AKAP6: variants seen among roughly 807,000 people sequenced by gnomAD.
The protein encoded by AKAP6 is A-kinase anchor protein 6.
Under a neutral mutation model 188.5 loss-of-function variants are expected in AKAP6, and 58 were observed. That is an observed-to-expected ratio of 0.31 (90% CI 0.25 to 0.38). The LOEUF (loss-of-function observed/expected upper bound fraction) is 0.38, where lower values mean the gene tolerates loss of function less well. Among genes scored for constraint, AKAP6 ranks in the 10% least tolerant of loss-of-function variants. The pLI, the probability that AKAP6 is intolerant of heterozygous loss-of-function variation, is 1.00. For synonymous variants in AKAP6, 989 were observed against 998.6 expected (o/e 0.99, Z 0.18); for missense variants, 2,710 against 2,740.0 (o/e 0.99, Z 0.24).
intron 1 of AKAP6, among the ~76,000 whole-genome samples, chr14:32,338,098 C>T (rs977387500): frequency 6.6e-6 from 1 of 151,646 alleles, no homozygotes; most frequent in East Asian, 1.9e-4. Flanking sequence ...GAGAGTTTTT[C>T]CTTTTGTTTT....
chr14:32,802,950 T>C (rs1032325674), intron 12 of AKAP6, among the ~76,000 whole-genome samples: 4 of 148,758 alleles, frequency 2.7e-5, no homozygotes, highest in Middle Eastern at 3.9e-3. Context: ...ATATAAAAAT[T>C]AGCCAGGCGT....
Position 32,546,634 on chromosome 14 carries a change from G to A in AKAP6, c.1981G>A (p.Glu661Lys), listed in dbSNP as rs1446359855. The A allele has an allele frequency of 6.2e-7, 1 of 1,614,124 alleles. No homozygotes were observed. Among genetic ancestry groups the A allele is most frequent in the African/African-American group, 1.3e-5 (1 of 75,016 alleles). Residue 661 changes from glutamate to lysine, a missense_variant, in exon 4 of 14, where the codon GAA (glutamate) becomes AAA (lysine). Glu to Lys is a moderately conservative substitution (Grantham distance 56, BLOSUM62 1). Transcript: ENST00000280979. Reference protein sequence around the residue: ...TKLLPQKPRGETIQNIDDWEL... With the variant: ...TKLLPQKPRGKTIQNIDDWEL... ...GCTTCTGCCTCAGAAACCCAGAGGA[G>A]AAACCATCCAGAATATTGATGACTG...
chr14:32,462,916 A>AAAAAAAAAAAAAAAC (rs1891389540), intron 2 of AKAP6, among the ~76,000 whole-genome samples: 30 of 93,732 alleles, frequency 3.2e-4, no homozygotes, highest in African/African-American at 1.1e-3. Context: ...AAAAAAAAAA[A>AAAAAAAAAAAAAAAC]AAAAAAAAAA....
chr14:32,594,576 G>A (rs746316272), intron 5 of AKAP6, among the ~76,000 whole-genome samples: 1 of 152,168 alleles, frequency 6.6e-6, no homozygotes, highest in Non-Finnish European at 1.5e-5. Context: ...TTGTGGAGAG[G>A]AGAAGAGAAA....
intron 1 of AKAP6, among the ~76,000 whole-genome samples, chr14:32,432,713 TC>T (rs1406887830): frequency 6.6e-6 from 1 of 152,208 alleles, no homozygotes; most frequent in African/African-American, 2.4e-5. Context: ...CACGTAGCTG[TC>T]CCACGTATTG....
chr14:32,656,973 C>A (rs1888479417), intron 7 of AKAP6, among the ~76,000 whole-genome samples: 2 of 152,166 alleles, frequency 1.3e-5, no homozygotes, highest in Non-Finnish European at 2.9e-5. Flanking sequence ...ATATGGCAAT[C>A]CAATATATGG....
rs189952618 is a variant in AKAP6, at chr14:32,541,483, T to A, written c.577-3747T>A. Among the ~76,000 whole-genome samples, 264 of 152,236 alleles carry A rather than the reference T, an allele frequency of 1.7e-3. 2 individuals are homozygous for A. Among genetic ancestry groups the A allele is most frequent in the Middle Eastern group, 6.8e-3 (2 of 292 alleles). On this transcript the variant is annotated intron_variant, in intron 3 of 13. Coordinates refer to ENST00000280979, the MANE Select transcript of AKAP6 (RefSeq NM_004274.5). ...GCAAGACTATCATGTTCCCTGCTTG[T>A]CCAAAGGCAGGTGGCTGACACTTCA...
intron 1 of AKAP6, among the ~76,000 whole-genome samples, chr14:32,402,817 C>T (rs1489143143): frequency 2.0e-5 from 3 of 151,842 alleles, no homozygotes. Flanking sequence ...GCAACCTCTG[C>T]TTCATGGGCT....
At chr14:32,574,477 T>G (rs1884635539) in intron 4 of AKAP6, among the ~76,000 whole-genome samples, 1 of 152,180 alleles carries the variant, frequency 6.6e-6, no homozygotes. Context: ...ACACATTGTT[T>G]AGTGCTTTTT....
intron 8 of AKAP6, among the ~76,000 whole-genome samples, chr14:32,689,467 G>A (rs921046397): frequency 1.3e-5 from 2 of 152,108 alleles, no homozygotes; most frequent in African/African-American, 4.8e-5. Flanking sequence ...AAAAACTGAG[G>A]AAATTACTGC....
chr14:32,681,185 A>G (rs1388548099), intron 8 of AKAP6, among the ~76,000 whole-genome samples: 1 of 152,230 alleles, frequency 6.6e-6, no homozygotes, highest in Non-Finnish European at 1.5e-5. Flanking sequence ...TATATTTTGT[A>G]AAGTATAACC....
rs1293959722 is a variant in AKAP6, at chr14:32,824,025, T to C, written c.6212T>C (p.Leu2071Pro). 2 of 1,613,910 alleles carry C rather than the reference T, an allele frequency of 1.2e-6. No homozygotes were observed. The highest frequency in any genetic ancestry group is 1.7e-6 in the Non-Finnish European group (2 of 1,179,918). ...KEIIDMASTA[L>P]KSKSQPENEV... The stretch of plus-strand genomic sequence containing the variant: ...ATCATTGACATGGCTTCGACAGCCC[T>C]AAAAAGTAAATCTCAACCTGAAAAC... The change falls in exon 13 of 14, where the codon CTA becomes CCA. Residue 2071 changes from leucine to proline, a missense_variant. Leu to Pro is a moderately conservative substitution (Grantham distance 98). Around this residue, in one of 2 missense-constraint regions of AKAP6, gnomAD observed 2,473 missense variants for 2,426.1 expected, o/e 1.02. Transcript: ENST00000280979.
chr14:32,798,145 G>A (rs534723445), intron 12 of AKAP6, among the ~76,000 whole-genome samples: 50 of 152,154 alleles, frequency 3.3e-4, no homozygotes, highest in African/African-American at 1.1e-3. Flanking sequence ...ATGAAAAAGT[G>A]TTCAATATCA....
At chr14:32,645,281 G>A (rs1456844226) in intron 7 of AKAP6, among the ~76,000 whole-genome samples, 2 of 152,108 alleles carry the variant, frequency 1.3e-5, no homozygotes, top group African/African-American at 2.4e-5. Flanking sequence ...ACGTAGCACC[G>A]AGGACATTTT....
intron 3 of AKAP6, 43 bp from the exon 4 acceptor site, chr14:32,545,187 T>A (rs1037577698): frequency 6.5e-7 from 1 of 1,546,430 alleles, no homozygotes; most frequent in South Asian, 1.2e-5. Context: ...GATGTTGTAA[T>A]TGATGTTGCA....
At chr14:32,640,413 G>A (rs1436601373) in intron 7 of AKAP6, among the ~76,000 whole-genome samples, 1 of 152,072 alleles carries the variant, frequency 6.6e-6, no homozygotes, top group African/African-American at 2.4e-5. Flanking sequence ...CCCTAGAGAG[G>A]AATGAGTTCT....
intron 12 of AKAP6, among the ~76,000 whole-genome samples, chr14:32,797,131 A>T (rs957725577): frequency 4.6e-5 from 7 of 152,174 alleles, no homozygotes; most frequent in African/African-American, 1.7e-4. Flanking sequence ...AAAACAACAG[A>T]TGCTGGCAAG....
At position 32,735,620 on chromosome 14, in the gene AKAP6, G is replaced by GTTCA. The variant is rs774804097; in HGVS notation, c.3148-36_3148-35insCATT. The GTTCA allele has an allele frequency of 2.3e-5, 32 of 1,406,338 alleles. No homozygotes were observed. In the Middle Eastern group the frequency reaches 7.9e-4, roughly 35 times the overall value. The allele number at this position is 1,406,338 out of a possible 1,614,324, so 87.1% of individuals were successfully genotyped here. On this transcript the variant is annotated intron_variant, in intron 10 of 13. Transcript: ENST00000280979. The stretch of plus-strand genomic sequence containing the variant: ...TTGTTCGTGGGGTTTTTTTTTGTTT[G>GTTCA]TTTGTTTTATTTTTTGTTTTTTAAT...
chr14:32,486,641 G>T (rs1190463983), intron 2 of AKAP6, among the ~76,000 whole-genome samples: 1 of 152,166 alleles, frequency 6.6e-6, no homozygotes, highest in Non-Finnish European at 1.5e-5. Context: ...GTATAGGAAT[G>T]CTTGTAATTT....
Sources: gnomAD v4.1 joint callset for allele counts (sites outside exome capture counted in the v4.1 genomes callset) on GRCh38, gnomAD v4.1.1 for gene constraint, gnomAD v4.1.1 regional missense constraint, MANE v1.5 for transcripts, NCBI Gene and HGNC (gene_info 2026-07-23, HGNC 2026-07-21) for gene names.